PELI2: variants seen among roughly 807,000 people sequenced by gnomAD.
The protein encoded by PELI2 is pellino E3 ubiquitin protein ligase family member 2.
In PELI2, 23 loss-of-function variants were observed where a neutral mutation model predicts 42.3. The ratio of observed to expected loss-of-function variants is 0.54; its 90% confidence interval spans 0.39 to 0.77. PELI2 has a LOEUF of 0.77. Among genes scored for constraint, PELI2 ranks in the 30% least tolerant of loss-of-function variants. The pLI is 0.00. For missense variants in PELI2, 463 were observed against 553.2 expected (o/e 0.84, Z 1.64); for synonymous variants, 245 against 212.2 (o/e 1.15, Z -1.34).
At chr14:56,204,416 C>G (rs1246838067) in intron 2 of PELI2, among the ~76,000 whole-genome samples, 1 of 152,094 alleles carries the variant, frequency 6.6e-6, no homozygotes, top group Non-Finnish European at 1.5e-5. Context: ...AGGCTGGGGC[C>G]ACTCTGAGCT....
chr14:56,296,302 C>G (rs1889998502), intron 5 of PELI2, among the ~76,000 whole-genome samples: 1 of 152,100 alleles, frequency 6.6e-6, no homozygotes, highest in Non-Finnish European at 1.5e-5. Flanking sequence ...AAAAGAAAAT[C>G]TTAGGAGATT....
At chr14:56,129,055 G>C (rs1566596221) in intron 1 of PELI2, among the ~76,000 whole-genome samples, 1 of 152,126 alleles carries the variant, frequency 6.6e-6, no homozygotes, top group Non-Finnish European at 1.5e-5. Flanking sequence ...AATTGAAGGG[G>C]TGAGAGGGCC....
intron 3 of PELI2, among the ~76,000 whole-genome samples, chr14:56,284,616 C>CA (rs55686488): frequency 0.17 from 25,879 of 152,128 alleles, 2,519 homozygotes; most frequent in South Asian, 0.37. Flanking sequence ...TAATTAGTAT[C>CA]TATTAAGTTA....
chr14:56,175,066 G>C (rs1305823422), intron 1 of PELI2, among the ~76,000 whole-genome samples: 1 of 151,992 alleles, frequency 6.6e-6, no homozygotes, highest in African/African-American at 2.4e-5. Context: ...CATGATCTTG[G>C]CTCACTGTAG....
chr14:56,214,972 A>G (rs977882494), intron 2 of PELI2, among the ~76,000 whole-genome samples: 2 of 152,190 alleles, frequency 1.3e-5, no homozygotes, highest in East Asian at 1.9e-4. Flanking sequence ...TAGCCTTTTA[A>G]ATTTTAATTT....
At position 56,273,104 on chromosome 14, in the gene PELI2, T is replaced by C. The variant is rs1199198240; in HGVS notation, c.208-6572T>C. Among the ~76,000 whole-genome samples, 1 of 152,234 alleles carries C rather than the reference T, an allele frequency of 6.6e-6. No homozygotes were observed. The highest frequency in any genetic ancestry group is 1.5e-5 in the Non-Finnish European group (1 of 68,052). On this transcript the variant is annotated intron_variant, in intron 2 of 5. Transcript: ENST00000267460. The surrounding 1 kb of genome is among the most constrained non-coding windows in gnomAD (Gnocchi z 4.3). ...GAAGGGCACCACTGAGTAGTCAGTC[T>C]CTGGTCCACATCTGGGGCAGCTGGA...
intron 2 of PELI2, among the ~76,000 whole-genome samples, chr14:56,252,327 T>C (rs1438699142): frequency 6.6e-6 from 1 of 152,252 alleles, no homozygotes; most frequent in Non-Finnish European, 1.5e-5. Flanking sequence ...TTCATCAATA[T>C]CACAATGTCT....
rs114682753 is a variant in PELI2 at position 56,171,712 on chromosome 14, C to T, written c.78-6623C>T. Among the ~76,000 whole-genome samples, 1,052 of 152,226 alleles carry T rather than the reference C, an allele frequency of 6.9e-3. 16 individuals carry two copies. The highest frequency in any genetic ancestry group is 0.024 in the African/African-American group (981 of 41,546). ...TTTTCAGGAGGAGGTGACAGTGTTC[C>T]ACTTAAAATAGATTGGGGACCAGCT... On this transcript the variant is annotated intron_variant, in intron 1 of 5. Transcript: ENST00000267460.
chr14:56,267,250 A>ATAGTAAT (rs1335889870), intron 2 of PELI2, among the ~76,000 whole-genome samples: 2 of 152,138 alleles, frequency 1.3e-5, no homozygotes, highest in Admixed American at 6.5e-5. Context: ...TAATTGGCTA[A>ATAGTAAT]TAGTAATTAT....
intron 1 of PELI2, among the ~76,000 whole-genome samples, chr14:56,131,179 A>G (rs1883468930): frequency 6.6e-6 from 1 of 152,364 alleles, no homozygotes; most frequent in Admixed American, 6.5e-5. Context: ...TCCAAAAAGC[A>G]TAGTCCAACA....
Position 56,289,739 on chromosome 14 carries a change from C to G in PELI2, c.508-529C>G, listed in dbSNP as rs564266534. On this transcript the variant is annotated intron_variant, in intron 4 of 5. Transcript: ENST00000267460. Reference sequence around the variant, plus strand: ...CGTCATGTCAAGCTACATGCGCCATCTACCTTTGAGAATTTAAACGGTGAT... The same window carrying G: ...CGTCATGTCAAGCTACATGCGCCATGTACCTTTGAGAATTTAAACGGTGAT... Among the ~76,000 whole-genome samples the G allele has an allele frequency of 2.0e-5, 3 of 152,310 alleles. No homozygotes were observed. The South Asian group carries it at 6.2e-4, about 32-fold the overall frequency.
At chr14:56,236,375 C>G (rs12895639) in intron 2 of PELI2, among the ~76,000 whole-genome samples, 61,326 of 151,992 alleles carry the variant, frequency 0.4, 13,093 homozygotes, top group South Asian at 0.53. Flanking sequence ...TTTTACAGCA[C>G]CTCTAAAGCT....
chr14:56,294,180 C>T (rs746340482), intron 5 of PELI2, among the ~76,000 whole-genome samples: 41 of 152,182 alleles, frequency 2.7e-4, no homozygotes, highest in Non-Finnish European at 3.5e-4. Context: ...TTGGGAAGGG[C>T]TGATTTCTTC....
intron 1 of PELI2, among the ~76,000 whole-genome samples, chr14:56,127,204 A>G (rs1045229859): frequency 2.6e-5 from 4 of 152,198 alleles, no homozygotes; most frequent in African/African-American, 9.7e-5. Context: ...CTTACTGAGA[A>G]CCATGCTTCT....
intron 2 of PELI2, among the ~76,000 whole-genome samples, chr14:56,261,814 A>T (rs1566671260): frequency 6.6e-6 from 1 of 152,346 alleles, no homozygotes; most frequent in East Asian, 1.9e-4. Context: ...TTATCTTATA[A>T]ATCTGTTGTG....
Position 56,279,776 on chromosome 14 carries a change from A to T in PELI2, c.308A>T (p.Gln103Leu), listed in dbSNP as rs766923056. 6.6e-7 allele frequency: 1 copy of T among 1,504,078 alleles called. No homozygotes were observed. The highest frequency in any genetic ancestry group is 1.8e-5 in the Admixed American group (1 of 54,170). The allele number at this position is 1,504,078 out of a possible 1,614,324, so 93.2% of individuals were successfully genotyped here. Residue 103 changes from glutamine (Q) to leucine (L), a missense_variant and splice_region_variant, in exon 3 of 6, where the codon CAG becomes CTG. By Grantham distance (113) the Gln-to-Leu change is moderately radical (BLOSUM62 -2). Around this residue, in one of 3 missense-constraint regions of PELI2, gnomAD observed 343 missense variants for 378.4 expected, o/e 0.91. Coordinates refer to ENST00000267460, the MANE Select transcript of PELI2 (RefSeq NM_021255.3). ...CATGATAAGGATACGGATATGTTTCAGGTAATATTTTTCTTTTTTAATAGA... is the reference window on the plus strand; with the variant it reads ...CATGATAAGGATACGGATATGTTTCTGGTAATATTTTTCTTTTTTAATAGA... The part of the protein sequence containing the change: ...YTHDKDTDMF[Q>L]VGRSTESPID...
At chr14:56,271,772 TCCTAG>T (rs1353196619) in intron 2 of PELI2, among the ~76,000 whole-genome samples, 2 of 152,188 alleles carry the variant, frequency 1.3e-5, no homozygotes, top group Admixed American at 1.3e-4. Context: ...TCAGGACGTT[TCCTAG>T]CCCTGCTCCC....
At chr14:56,187,481 G>A (rs1289066605) in intron 2 of PELI2, among the ~76,000 whole-genome samples, 1 of 152,120 alleles carries the variant, frequency 6.6e-6, no homozygotes, top group Non-Finnish European at 1.5e-5. Flanking sequence ...AGTTATGACC[G>A]CTTGTAGTAG....
chr14:56,284,541 T>G (rs892682668), intron 3 of PELI2, among the ~76,000 whole-genome samples: 1 of 152,224 alleles, frequency 6.6e-6, no homozygotes, highest in African/African-American at 2.4e-5. Context: ...TTTGGTTTTT[T>G]GTTTGGTTTG....
Sources: gnomAD v4.1 joint callset for allele counts (sites outside exome capture counted in the v4.1 genomes callset) on GRCh38, gnomAD v4.1.1 for gene constraint, gnomAD v4.1.1 regional missense constraint, Gnocchi (gnomAD v3.1) non-coding constraint, MANE v1.5 for transcripts, NCBI Gene and HGNC (gene_info 2026-07-23, HGNC 2026-07-21) for gene names.